The following TRIM71 variants were observed in gnomAD, a reference collection of about 807,000 sequenced individuals.
TRIM71 encodes the protein tripartite motif containing 71, also known as E3 ubiquitin-protein ligase TRIM71.
In TRIM71, 9 loss-of-function variants were observed where a neutral mutation model predicts 61.2. That is an observed-to-expected ratio of 0.15 (90% confidence interval 0.09 to 0.26). The LOEUF (loss-of-function observed/expected upper bound fraction) is 0.26. Among genes scored for constraint, TRIM71 ranks in the 10% least tolerant of loss-of-function variants. The probability of loss-of-function intolerance (pLI) is 1.00; values close to 1 mark genes in which losing one functional copy is unlikely to be tolerated. For missense variants in TRIM71, 998 were observed against 1,238.7 expected (o/e 0.81, Z 2.92); for synonymous variants, 645 against 553.2 (o/e 1.17, Z -2.33).
intron 1 of TRIM71, among the ~76,000 whole-genome samples, chr3:32,854,030 C>G (rs1696569455): frequency 1.3e-5 from 2 of 151,852 alleles, no homozygotes; most frequent in Admixed American, 1.3e-4. Context: ...AAAGAAAAGT[C>G]TTGGTGTTGG....
At chr3:32,884,540 GAA>G (rs11339536) in intron 2 of TRIM71, among the ~76,000 whole-genome samples, 205 of 138,290 alleles carry the variant, frequency 1.5e-3, no homozygotes, top group Admixed American at 1.7e-3. Context: ...ATCTCTATTT[GAA>G]AAAAAAAAAA....
chr3:32,831,274 A>G (rs1313976006), intron 1 of TRIM71, among the ~76,000 whole-genome samples: 1 of 152,070 alleles, frequency 6.6e-6, no homozygotes, highest in Non-Finnish European at 1.5e-5. Context: ...GTGTTGCCCT[A>G]TGTGACCTTG....
chr3:32,870,968 A>G (rs1022133084), intron 1 of TRIM71, among the ~76,000 whole-genome samples: 27 of 137,888 alleles, frequency 2.0e-4, no homozygotes, highest in African/African-American at 5.5e-4. Context: ...ACGCCCAGCA[A>G]TTTTTTTTTT....
intron 1 of TRIM71, among the ~76,000 whole-genome samples, chr3:32,867,112 AG>A (rs1696746294): frequency 6.6e-6 from 1 of 152,068 alleles, no homozygotes; most frequent in Admixed American, 6.6e-5. Flanking sequence ...TTTAAATTTG[AG>A]ATGAGTAGAT....
At chr3:32,835,365 C>T (rs543391676) in intron 1 of TRIM71, among the ~76,000 whole-genome samples, 1 of 152,250 alleles carries the variant, frequency 6.6e-6, no homozygotes, top group South Asian at 2.1e-4. Context: ...AGAGGGTCCT[C>T]TCCCCCTCTA....
intron 1 of TRIM71, among the ~76,000 whole-genome samples, chr3:32,822,005 G>T (rs1696140658): frequency 6.6e-6 from 1 of 152,162 alleles, no homozygotes; most frequent in African/African-American, 2.4e-5. Flanking sequence ...TGCTCCAGCT[G>T]CTCACAAGTG....
rs10524029 is a variant in TRIM71 at position 32,829,626 on chromosome 3, T to TTGTGTGTGTGTGTGTGTG, written c.852+10702_852+10719dup. Among the ~76,000 whole-genome samples, 953 of 148,740 alleles carry TTGTGTGTGTGTGTGTGTG rather than the reference T, an allele frequency of 6.4e-3. 7 individuals carry two copies. The highest frequency in any genetic ancestry group is 0.018 in the African/African-American group (735 of 40,600). On this transcript the variant is annotated intron_variant, in intron 1 of 3. Transcript: ENST00000383763. ...TTTAGTAAGCATTAATGTCATGGTATTGTGTGTGTGTGTGTGTGTGTGTGT... is the reference window on the plus strand; with the variant it reads ...TTTAGTAAGCATTAATGTCATGGTATTGTGTGTGTGTGTGTGTGTGTGTGTGTGTGTGTGTGTGTGTGT...
At chr3:32,843,406 C>A (rs953133421) in intron 1 of TRIM71, among the ~76,000 whole-genome samples, 1 of 152,130 alleles carries the variant, frequency 6.6e-6, no homozygotes, top group Non-Finnish European at 1.5e-5. Context: ...TCTTGGTTTG[C>A]CCAGCTCTTG....
At chr3:32,853,125 T>C (rs1212965895) in intron 1 of TRIM71, among the ~76,000 whole-genome samples, 14 of 150,366 alleles carry the variant, frequency 9.3e-5, no homozygotes, top group Non-Finnish European at 1.3e-4. Flanking sequence ...TCTCTCTTTT[T>C]TTTTTTTTTT....
chr3:32,844,257 C>T (rs1027660923), intron 1 of TRIM71, among the ~76,000 whole-genome samples: 1 of 152,168 alleles, frequency 6.6e-6, no homozygotes, highest in African/African-American at 2.4e-5. Context: ...TCTGGGGATT[C>T]TAATGCTGGT....
intron 2 of TRIM71, 76 bp from the exon 3 acceptor site, chr3:32,885,856 CAG>C (rs1696955896): frequency 2.0e-6 from 3 of 1,529,240 alleles, no homozygotes; most frequent in African/African-American, 2.8e-5. Context: ...TCAAGTCTGA[CAG>C]AGCAGATTCA....
chr3:32,868,028 T>G (rs6761992), intron 1 of TRIM71, among the ~76,000 whole-genome samples: 256 of 152,300 alleles, frequency 1.7e-3, no homozygotes, highest in African/African-American at 5.6e-3. Context: ...CAGACGCTGC[T>G]GAGACTGCCA....
At position 32,843,469 on chromosome 3, in the gene TRIM71, T is replaced by C. The variant is rs74434432; in HGVS notation, c.852+24537T>C. Among the ~76,000 whole-genome samples, 571 of 152,202 alleles carry C rather than the reference T, an allele frequency of 3.8e-3. 4 individuals are homozygous for C. Among genetic ancestry groups the C allele is most frequent in the Non-Finnish European group, 4.6e-3 (312 of 68,014 alleles). ...TAAGGGATACTGGGATCTGTGAAAA[T>C]GGAGTGGATGGCCCAGTTGTGCTTA... On this transcript the variant is annotated intron_variant, in intron 1 of 3. Coordinates refer to ENST00000383763, the MANE Select transcript of TRIM71 (RefSeq NM_001039111.3).
chr3:32,891,349 G>A lies in TRIM71; in HGVS notation c.2145G>A (p.Leu715=), dbSNP rs200564131. 2,142 of 1,614,052 alleles carry A rather than the reference G, an allele frequency of 1.3e-3. 11 individuals carry two copies. The highest frequency in any genetic ancestry group is 0.01 in the Middle Eastern group (63 of 6,062). The change falls in exon 4 of 4, where the codon CTG becomes CTA. Residue 715 remains leucine, a synonymous_variant. Transcript: ENST00000383763. This position sits in a 1 kb window ranked among gnomAD's most constrained non-coding sequence, Gnocchi z 8.2. ...CGGTGAATTCTGAGGGCAAGATCCT[G>A]GTCTCAGACACGAGGAACCACCGGA... ...DVAVNSEGKI[L]VSDTRNHRIQ... is the part of the protein sequence containing the mutation.
At chr3:32,867,427 T>G (rs763885044) in intron 1 of TRIM71, among the ~76,000 whole-genome samples, 3 of 151,820 alleles carry the variant, frequency 2.0e-5, no homozygotes, top group Non-Finnish European at 2.9e-5. Context: ...TGACAAAAAT[T>G]TGTGTGTGTG....
chr3:32,873,814 C>T lies in TRIM71; in HGVS notation c.853-4C>T, dbSNP rs1696823368. ...TTTATGCCTGTACCCTCTCTTGTCCCCAGGTGCTGCACCTGTACTGTGACA... is the reference window on the plus strand; with the variant it reads ...TTTATGCCTGTACCCTCTCTTGTCCTCAGGTGCTGCACCTGTACTGTGACA... On this transcript the variant is annotated splice_region_variant and splice_polypyrimidine_tract_variant and intron_variant, in intron 1 of 3. Transcript: ENST00000383763. 6.4e-7 allele frequency: 1 copy of T among 1,559,082 alleles called. No homozygotes were observed. The highest frequency in any genetic ancestry group is 8.7e-7 in the Non-Finnish European group (1 of 1,145,358).
At position 32,890,642 on chromosome 3, in the gene TRIM71, A is replaced by G; in HGVS notation, c.1438A>G (p.Ser480Gly). 1.2e-6 allele frequency: 2 copies of G among 1,613,910 alleles called. No homozygotes were observed. Among genetic ancestry groups the G allele is most frequent in the Non-Finnish European group, 1.7e-6 (2 of 1,180,044 alleles). ...CATCAAGTCTTTTGGCTTTGTTAGC[A>G]GCGGGGCCTTTGCCCCACTCACCAA... ...LAIKSFGFVS[S>G]GAFAPLTKAT... The change falls in exon 4 of 4, where the codon AGC (serine) becomes GGC (glycine). Residue 480 changes from serine to glycine, a missense_variant. Transcript: ENST00000383763. The surrounding 1 kb of genome is among the most constrained non-coding windows in gnomAD (Gnocchi z 6.2).
At chr3:32,830,942 C>G (rs1270836786) in intron 1 of TRIM71, among the ~76,000 whole-genome samples, 1 of 152,172 alleles carries the variant, frequency 6.6e-6, no homozygotes, top group Admixed American at 6.5e-5. Flanking sequence ...TCCCCAGTAG[C>G]TGGGATTACA....
chr3:32,830,591 T>C (rs1696258517), intron 1 of TRIM71, among the ~76,000 whole-genome samples: 1 of 152,108 alleles, frequency 6.6e-6, no homozygotes, highest in Non-Finnish European at 1.5e-5. Flanking sequence ...AATTTGGCAT[T>C]GATGGATTGG....
Sources: allele counts gnomAD v4.1 joint callset (sites outside exome capture counted in the v4.1 genomes callset), GRCh38; gene constraint gnomAD v4.1.1; non-coding constraint Gnocchi (gnomAD v3.1); transcripts MANE v1.5; gene names NCBI Gene and HGNC (gene_info 2026-07-23, HGNC 2026-07-21).